PCDHGB2: variants seen among roughly 807,000 people sequenced by gnomAD.
The protein encoded by PCDHGB2 is protocadherin gamma subfamily B, 2.
PCDHGB2 carries 55 observed loss-of-function variants against 59.3 expected under a neutral mutation model. That is an observed-to-expected ratio of 0.93 (90% CI 0.75 to 1.16). PCDHGB2 has a LOEUF of 1.16. Ranked by LOEUF, PCDHGB2 falls within the 50% of genes most tolerant of loss-of-function variation. The probability of loss-of-function intolerance (pLI) is 0.00; values close to 1 mark genes in which losing one functional copy is unlikely to be tolerated. For missense variants in PCDHGB2, 1,228 were observed against 1,198.5 expected (o/e 1.02, Z -0.36); for synonymous variants, 516 against 512.0 (o/e 1.01, Z -0.11).
At chr5:141,395,468 C>T (rs909198422) in intron 1 of PCDHGB2, 2 of 569,714 alleles carry the variant, frequency 3.5e-6, no homozygotes, top group African/African-American at 3.8e-5. Flanking sequence ...TTAAGCCTTC[C>T]AGTATTTTAT....
intron 1 of PCDHGB2, chr5:141,374,744 G>A: frequency 1.2e-6 from 2 of 1,611,982 alleles, no homozygotes; most frequent in East Asian, 2.2e-5. Context: ...CGGCGACCCT[G>A]TCCGCTCAAG....
At chr5:141,481,240 T>G (rs1323124277) in intron 1 of PCDHGB2, among the ~76,000 whole-genome samples, 1 of 152,208 alleles carries the variant, frequency 6.6e-6, no homozygotes, top group Non-Finnish European at 1.5e-5. Flanking sequence ...AAGTATTACA[T>G]AGCATAGCTC....
At chr5:141,456,220 T>C (rs965297694) in intron 1 of PCDHGB2, among the ~76,000 whole-genome samples, 1 of 152,098 alleles carries the variant, frequency 6.6e-6, no homozygotes, top group Admixed American at 6.6e-5. Context: ...TGTGGCGATA[T>C]CAAACTAACT....
At chr5:141,466,036 G>A (rs981390655) in intron 1 of PCDHGB2, among the ~76,000 whole-genome samples, 17 of 152,064 alleles carry the variant, frequency 1.1e-4, no homozygotes, top group Non-Finnish European at 2.5e-4. Flanking sequence ...GCAGGAGAAC[G>A]GCATGAACCC....
rs1763351021 is a variant in PCDHGB2, at chr5:141,364,473, T to C, written c.2421+1917T>C. On this transcript the variant is annotated intron_variant, in intron 1 of 3. Transcript: ENST00000522605. ...GACAAAGGCTCCTTCGTCGGCAACA[T>C]AGCCAAGGACCTTGGGCTGGAGCCC... 2.5e-6 allele frequency: 4 copies of C among 1,613,868 alleles called. No homozygotes were observed. The highest frequency in any genetic ancestry group is 2.5e-6 in the Non-Finnish European group (3 of 1,179,886).
chr5:141,374,104 T>A (rs200348921), intron 1 of PCDHGB2: 3 of 1,570,610 alleles, frequency 1.9e-6, no homozygotes, highest in Non-Finnish European at 8.6e-7. Context: ...CGCAGAGGCA[T>A]CCGCAGCGCA....
chr5:141,370,449 C>G, intron 1 of PCDHGB2: 1 of 1,608,694 alleles, frequency 6.2e-7, no homozygotes, highest in East Asian at 2.2e-5. Flanking sequence ...AATGCTATTT[C>G]TCTTCCTGCT....
In PCDHGB2 at chr5:141,409,971, A is replaced by G. The variant is rs758876775; in HGVS notation, c.2421+47415A>G. On this transcript the variant is annotated intron_variant, in intron 1 of 3. Coordinates refer to ENST00000522605, the MANE Select transcript of PCDHGB2 (RefSeq NM_018923.3). ...GCAGAGCCCGGCTACCTAGTGACTAAGGTGGTAGCGGTGGACGCCGACTCG... is the reference window on the plus strand; with the variant it reads ...GCAGAGCCCGGCTACCTAGTGACTAGGGTGGTAGCGGTGGACGCCGACTCG... 2.9e-5 allele frequency: 47 copies of G among 1,613,202 alleles called. No homozygotes were observed. The highest frequency in any genetic ancestry group is 3.8e-5 in the Non-Finnish European group (45 of 1,179,806).
intron 1 of PCDHGB2, chr5:141,398,849 T>G: frequency 6.2e-7 from 1 of 1,613,874 alleles, no homozygotes; most frequent in Admixed American, 1.7e-5. Flanking sequence ...AATCCCCCGG[T>G]ATTCAACCGA....
chr5:141,472,290 C>T (rs2099275934), intron 1 of PCDHGB2, among the ~76,000 whole-genome samples: 2 of 152,096 alleles, frequency 1.3e-5, no homozygotes, highest in Admixed American at 6.6e-5. Flanking sequence ...ACCTGTAATC[C>T]CAGCACTTTG....
intron 1 of PCDHGB2, among the ~76,000 whole-genome samples, chr5:141,453,518 C>G (rs1347368114): frequency 6.6e-6 from 1 of 152,114 alleles, no homozygotes; most frequent in African/African-American, 2.4e-5. Context: ...CATTCCTCCC[C>G]TATACCTTCT....
At chr5:141,453,288 A>T (rs931678565) in intron 1 of PCDHGB2, among the ~76,000 whole-genome samples, 18 of 151,342 alleles carry the variant, frequency 1.2e-4, no homozygotes, top group Admixed American at 3.3e-4. Context: ...TAATTTTTTA[A>T]TTATTTATTT....
At chr5:141,441,916 C>T (rs1340767725) in intron 1 of PCDHGB2, 9 of 352,248 alleles carry the variant, frequency 2.6e-5, no homozygotes, top group Non-Finnish European at 4.9e-5. Context: ...AGATGTGAGA[C>T]ACAATGCGTG....
intron 1 of PCDHGB2, chr5:141,371,954 C>T (rs1182311011): frequency 6.2e-7 from 1 of 1,613,274 alleles, no homozygotes; most frequent in Non-Finnish European, 8.5e-7. Flanking sequence ...AGCGAGCCTT[C>T]GACCACGAGC....
Position 141,489,826 on chromosome 5 carries a change from C to G in PCDHGB2, c.2422-4981C>G. On this transcript the variant is annotated intron_variant, in intron 1 of 3. Transcript: ENST00000522605. This position sits in a 1 kb window ranked among gnomAD's most constrained non-coding sequence, Gnocchi z 4.5. The stretch of plus-strand genomic sequence containing the variant: ...TGGGAAGCCATTCCCAGAGCTGGTG[C>G]TAGAGCAGCAGCTGGATCGTGAAGC... 1 of 1,614,186 alleles carries G rather than the reference C, an allele frequency of 6.2e-7. No homozygotes were observed. The highest frequency in any genetic ancestry group is 8.5e-7 in the Non-Finnish European group (1 of 1,179,988).
chr5:141,507,616 G>A (rs1288020739), intron 3 of PCDHGB2, among the ~76,000 whole-genome samples: 3 of 152,252 alleles, frequency 2.0e-5, no homozygotes, highest in Non-Finnish European at 4.4e-5. Context: ...GGTATATTTA[G>A]CTGTTGTGGC....
chr5:141,482,086 T>C (rs1435200188), intron 1 of PCDHGB2, among the ~76,000 whole-genome samples: 6 of 93,070 alleles, frequency 6.4e-5, no homozygotes, highest in African/African-American at 3.7e-4. Flanking sequence ...ACTCACTCCA[T>C]CTCAAAAAAA....
chr5:141,494,751 G>C (rs2099756509), intron 1 of PCDHGB2, 56 bp from the exon 2 acceptor site: 2 of 1,613,426 alleles, frequency 1.2e-6, no homozygotes, highest in African/African-American at 1.3e-5. Flanking sequence ...AGGGGCTCGG[G>C]TGACATTCTA....
rs2097456240 is a variant in PCDHGB2, at chr5:141,432,134, G to T, written c.2422-62673G>T. 3 of 1,613,756 alleles carry T rather than the reference G, an allele frequency of 1.9e-6. No individual in the cohort carries two copies. The highest frequency in any genetic ancestry group is 1.3e-5 in the African/African-American group (1 of 74,800). On this transcript the variant is annotated intron_variant, in intron 1 of 3. Coordinates refer to ENST00000522605, the MANE Select transcript of PCDHGB2 (RefSeq NM_018923.3). This position sits in a 1 kb window ranked among gnomAD's most constrained non-coding sequence, Gnocchi z 6.0. The stretch of plus-strand genomic sequence containing the variant: ...GGTCTTCCCTCAGGCCTCCTATTCC[G>T]CTTATATCCCAGAGAACAATCCCAG...
Sources: gnomAD v4.1 joint callset for allele counts (sites outside exome capture counted in the v4.1 genomes callset) on GRCh38, gnomAD v4.1.1 for gene constraint, Gnocchi (gnomAD v3.1) non-coding constraint, MANE v1.5 for transcripts, NCBI Gene and HGNC (gene_info 2026-07-23, HGNC 2026-07-21) for gene names.